DMD: variants seen among roughly 807,000 people sequenced by gnomAD.
DMD encodes the protein mutant dystrophin.
Under a neutral mutation model 330.1 loss-of-function variants are expected in DMD, and 63 were observed. The observed-to-expected ratio is 0.19, with a 90% confidence interval of 0.16 to 0.24. DMD has a LOEUF of 0.24. DMD is among the 10% of genes least tolerant of loss of function. The probability of loss-of-function intolerance (pLI) is 1.00; values close to 1 mark genes in which losing one functional copy is unlikely to be tolerated. For synonymous variants in DMD, 1,223 were observed against 959.8 expected (o/e 1.27, Z -5.07); for missense variants, 3,344 against 2,684.1 (o/e 1.25, Z -5.43).
intron 44 of DMD, among the ~76,000 whole-genome samples, chrX:32,185,526 A>T (rs188891474): frequency 2.9e-3 from 326 of 111,738 alleles, no homozygotes; most frequent in Non-Finnish European, 4.9e-3. Flanking sequence ...CATTATCCAT[A>T]TAGTCTTTCA....
chrX:32,249,400 T>C (rs1951137021), intron 43 of DMD, among the ~76,000 whole-genome samples: 1 of 111,774 alleles, frequency 8.9e-6, no homozygotes, highest in South Asian at 3.7e-4. Context: ...TGGTCTCCCA[T>C]TTGTTTGGTG....
rs202154420 is a variant in DMD, at chrX:31,119,681, A to AACTT, written c.*2234_*2237dup. ...CTATTTACCTCTGATTTTAGAATGA[A>AACTT]ACTTACTTACTTAAACTTCTTAGTA... On this transcript the variant is annotated 3_prime_UTR_variant, in exon 79 of 79. Coordinates refer to ENST00000357033, the MANE Select transcript of DMD (RefSeq NM_004006.3). The AACTT allele has an allele frequency of 0.014, 1,593 of 112,214 alleles. 14 individuals are homozygous for AACTT. The highest frequency in any genetic ancestry group is 0.021 in the Non-Finnish European group (1,140 of 53,087). 9.2% of individuals were successfully genotyped at this position (112,214 alleles called of 1,213,427 possible).
At chrX:32,145,235 G>A (rs771730625) in intron 44 of DMD, among the ~76,000 whole-genome samples, 3 of 112,313 alleles carry the variant, frequency 2.7e-5, no homozygotes, top group Non-Finnish European at 5.6e-5. Context: ...TGCTGGAAGT[G>A]TTTTTGTTAC....
At chrX:31,956,277 T>C (rs1307752607) in intron 45 of DMD, among the ~76,000 whole-genome samples, 2 of 112,122 alleles carry the variant, frequency 1.8e-5, no homozygotes, top group Non-Finnish European at 3.8e-5. Context: ...AGATTCCTTC[T>C]ACAAGAAGAT....
chrX:31,205,580 G>A (rs536198294), intron 66 of DMD, among the ~76,000 whole-genome samples: 20 of 112,326 alleles, frequency 1.8e-4, no homozygotes, highest in African/African-American at 5.5e-4. Flanking sequence ...ATTTAAAGGA[G>A]AAAAGCACAC....
chrX:31,856,783 C>T (rs1447157471), intron 48 of DMD, among the ~76,000 whole-genome samples: 2 of 111,873 alleles, frequency 1.8e-5, no homozygotes, highest in Non-Finnish European at 3.8e-5. Flanking sequence ...ATCACTAATA[C>T]TTATTACTAT....
At chrX:33,042,155 T>C (rs2094312337) in intron 1 of DMD, among the ~76,000 whole-genome samples, 1 of 111,633 alleles carries the variant, frequency 9.0e-6, no homozygotes. Flanking sequence ...ACTTTTGTAA[T>C]TGTAACAACC....
chrX:31,751,136 G>A (rs1569344516), intron 51 of DMD, among the ~76,000 whole-genome samples: 2 of 107,673 alleles, frequency 1.9e-5, no homozygotes, highest in Non-Finnish European at 3.8e-5. Context: ...CACAGAATTG[G>A]AAAAAACTAC....
intron 1 of DMD, among the ~76,000 whole-genome samples, chrX:33,067,140 G>T (rs756903139): frequency 8.9e-6 from 1 of 111,899 alleles, no homozygotes; most frequent in South Asian, 3.8e-4. Context: ...GTTTTTCAGA[G>T]TGTGTACGGA....
intron 21 of DMD, among the ~76,000 whole-genome samples, chrX:32,475,813 T>C (rs1465018200): frequency 9.0e-6 from 1 of 110,801 alleles, no homozygotes; most frequent in African/African-American, 3.3e-5. Context: ...AATGATCATA[T>C]AGTCGGCAAA....
chrX:32,402,273 A>C (rs2147808737), intron 30 of DMD, among the ~76,000 whole-genome samples: 1 of 111,791 alleles, frequency 8.9e-6, no homozygotes, highest in South Asian at 3.7e-4. Flanking sequence ...ACCTTAAATT[A>C]TCTTTTTAAA....
intron 1 of DMD, among the ~76,000 whole-genome samples, chrX:33,317,357 A>G (rs1358902365): frequency 8.9e-6 from 1 of 111,772 alleles, no homozygotes; most frequent in Non-Finnish European, 1.9e-5. Flanking sequence ...AAACCTTTTC[A>G]TGCTGCAAAC....
intron 15 of DMD, among the ~76,000 whole-genome samples, chrX:32,573,321 G>A (rs1212614882): frequency 9.0e-6 from 1 of 111,674 alleles, no homozygotes; most frequent in African/African-American, 3.3e-5. Flanking sequence ...GTTTTATCAA[G>A]AGTACAACTT....
chrX:32,874,723 G>A (rs981828772), intron 2 of DMD, among the ~76,000 whole-genome samples: 1 of 111,793 alleles, frequency 8.9e-6, no homozygotes, highest in Non-Finnish European at 1.9e-5. Context: ...TCCAAGATTA[G>A]ATCATTATTA....
chrX:32,254,799 T>A (rs1385675238), intron 43 of DMD, among the ~76,000 whole-genome samples: 1 of 112,125 alleles, frequency 8.9e-6, no homozygotes, highest in East Asian at 2.8e-4. Flanking sequence ...AATACAGATT[T>A]ATATCAGCAA....
At chrX:31,758,258 G>C (rs1392329808) in intron 51 of DMD, among the ~76,000 whole-genome samples, 1 of 111,137 alleles carries the variant, frequency 9.0e-6, no homozygotes, top group Non-Finnish European at 1.9e-5. Flanking sequence ...AAGTACTTGG[G>C]AATTAAGGTA....
At chrX:32,386,600 C>G in intron 32 of DMD, 135 bp from the exon 33 acceptor site, 1 of 553,141 alleles carries the variant, frequency 1.8e-6, no homozygotes, top group South Asian at 3.1e-5. Context: ...CATTTTGCAG[C>G]GGTGGTCAAT....
Position 32,001,239 on chromosome X carries a change from A to C in DMD, c.6439-32725T>G, listed in dbSNP as rs1033789580. Among the ~76,000 whole-genome samples the C allele has an allele frequency of 2.7e-5, 3 of 111,161 alleles. No individual in the cohort carries two copies. The Admixed American group carries it at 2.9e-4, about 11-fold the overall frequency. Reference sequence around the variant, plus strand: ...AAAACTCATCAAACTGTACACTTTAAAAAGGCGATTTTTTTGTGCATGTAA... The same window carrying C: ...AAAACTCATCAAACTGTACACTTTACAAAGGCGATTTTTTTGTGCATGTAA... On this transcript the variant is annotated intron_variant, in intron 44 of 78. Transcript: ENST00000357033.
intron 28 of DMD, among the ~76,000 whole-genome samples, chrX:32,440,602 G>A (rs2098278224): frequency 1.8e-5 from 2 of 111,401 alleles, no homozygotes; most frequent in Admixed American, 1.9e-4. Context: ...ATGATTAAAT[G>A]TCAGAAGTTA....
Sources: allele counts gnomAD v4.1 joint callset (sites outside exome capture counted in the v4.1 genomes callset), GRCh38; gene constraint gnomAD v4.1.1; transcripts MANE v1.5; gene names NCBI Gene and HGNC (gene_info 2026-07-23, HGNC 2026-07-21).